Variants in PRKG1 observed in about 807,000 individuals in gnomAD.
The protein encoded by PRKG1 is cGMP-dependent protein kinase 1.
In PRKG1, 35 loss-of-function variants were observed where a neutral mutation model predicts 88.1. The observed-to-expected ratio is 0.40, with a 90% CI of 0.30 to 0.53. The LOEUF is 0.53. Ranked by LOEUF, PRKG1 falls within the 20% of genes least tolerant of loss-of-function variation. PRKG1 has a pLI of 0.59. For missense variants in PRKG1, 540 were observed against 839.8 expected (o/e 0.64, Z 4.41); for synonymous variants, 303 against 292.5 (o/e 1.04, Z -0.37).
intron 2 of PRKG1, among the ~76,000 whole-genome samples, chr10:51,322,932 A>G (rs1283734987): frequency 6.6e-6 from 1 of 152,208 alleles, no homozygotes; most frequent in Non-Finnish European, 1.5e-5. Flanking sequence ...GCATTTATTG[A>G]GCAGTTACAA....
At chr10:50,998,789 A>T (rs2132712705) in intron 1 of PRKG1, among the ~76,000 whole-genome samples, 1 of 152,344 alleles carries the variant, frequency 6.6e-6, no homozygotes. Flanking sequence ...ACAAAGCTTT[A>T]AAATATTTGC....
At chr10:51,708,959 A>C (rs541538113) in intron 3 of PRKG1, among the ~76,000 whole-genome samples, 2 of 152,152 alleles carry the variant, frequency 1.3e-5, no homozygotes, top group Non-Finnish European at 2.9e-5. Context: ...TTCCAAAAAT[A>C]CTTTGGTGAC....
chr10:51,570,844 A>G (rs1837734481), intron 3 of PRKG1, among the ~76,000 whole-genome samples: 1 of 151,976 alleles, frequency 6.6e-6, no homozygotes, highest in African/African-American at 2.4e-5. Context: ...TGTACTAGCT[A>G]TCCTACAGCC....
At chr10:52,265,092 G>C (rs1374150619) in intron 10 of PRKG1, among the ~76,000 whole-genome samples, 3 of 152,064 alleles carry the variant, frequency 2.0e-5, no homozygotes, top group Non-Finnish European at 2.9e-5. Flanking sequence ...GAATTCTCTA[G>C]CTGGAATGAG....
At chr10:52,137,283 T>C (rs745862334) in intron 8 of PRKG1, among the ~76,000 whole-genome samples, 17 of 152,106 alleles carry the variant, frequency 1.1e-4, no homozygotes, top group Non-Finnish European at 1.9e-4. Flanking sequence ...CTCAAAGGCA[T>C]TCTCTAAATA....
intron 3 of PRKG1, among the ~76,000 whole-genome samples, chr10:51,648,934 T>C (rs1839976678): frequency 6.6e-6 from 1 of 152,166 alleles, no homozygotes; most frequent in African/African-American, 2.4e-5. Context: ...CCGGGCATGG[T>C]GGCTCATGCC....
chr10:51,661,396 AC>A (rs1401749902), intron 3 of PRKG1, among the ~76,000 whole-genome samples: 3 of 152,142 alleles, frequency 2.0e-5, no homozygotes, highest in African/African-American at 7.2e-5. Context: ...AGAAAAAACA[AC>A]CCCATCAAAA....
At chr10:51,375,281 C>T (rs1842794816) in intron 2 of PRKG1, among the ~76,000 whole-genome samples, 1 of 152,054 alleles carries the variant, frequency 6.6e-6, no homozygotes, top group East Asian at 1.9e-4. Context: ...TTTATAGGGT[C>T]ATTAGGAATA....
At chr10:51,519,349 G>A (rs1224631214) in intron 3 of PRKG1, among the ~76,000 whole-genome samples, 1 of 152,082 alleles carries the variant, frequency 6.6e-6, no homozygotes, top group African/African-American at 2.4e-5. Context: ...AAAAATTTGG[G>A]ATAACTTGCT....
chr10:51,531,941 C>T (rs1249495449), intron 3 of PRKG1, among the ~76,000 whole-genome samples: 1 of 152,032 alleles, frequency 6.6e-6, no homozygotes, highest in Non-Finnish European at 1.5e-5. Context: ...CCGTGCCCTG[C>T]CAAAGAATTT....
intron 2 of PRKG1, among the ~76,000 whole-genome samples, chr10:51,223,242 A>T (rs1838599014): frequency 6.6e-6 from 1 of 152,120 alleles, no homozygotes. Context: ...ATTGTGTTTC[A>T]AGCAATCTAG....
At chr10:52,244,736 A>G (rs1321213674) in intron 9 of PRKG1, among the ~76,000 whole-genome samples, 1 of 144,524 alleles carries the variant, frequency 6.9e-6, no homozygotes, top group African/African-American at 2.5e-5. Flanking sequence ...ATATACTTTA[A>G]TATATATTTA....
intron 3 of PRKG1, among the ~76,000 whole-genome samples, chr10:51,502,157 G>C (rs1422843815): frequency 6.6e-6 from 1 of 152,148 alleles, no homozygotes. Flanking sequence ...CCAGGCCTGA[G>C]GTCATTCCAA....
rs193052095 is a variant in PRKG1, at chr10:51,676,115, A to C, written c.593-128470A>C. Among the ~76,000 whole-genome samples, 304 of 152,260 alleles carry C rather than the reference A, an allele frequency of 2.0e-3. 2 individuals are homozygous for C. Among genetic ancestry groups the C allele is most frequent in the African/African-American group, 6.6e-3 (273 of 41,560 alleles). On this transcript the variant is annotated intron_variant, in intron 3 of 17. Coordinates refer to ENST00000373980, the MANE Select transcript of PRKG1 (RefSeq NM_006258.4). ...TGAGACTTATTTCTATTAAAACAAA[A>C]AAAAAAAGAAAAGCAAAAAGACTTG... is the stretch of plus-strand genomic sequence containing the variant.
intron 5 of PRKG1, among the ~76,000 whole-genome samples, chr10:52,007,242 C>T (rs1474786460): frequency 6.6e-6 from 1 of 152,088 alleles, no homozygotes; most frequent in African/African-American, 2.4e-5. Flanking sequence ...CAACAACTAC[C>T]ATCACAATGA....
intron 2 of PRKG1, among the ~76,000 whole-genome samples, chr10:51,242,860 GCA>G (rs1272445241): frequency 6.6e-6 from 1 of 152,130 alleles, no homozygotes; most frequent in Non-Finnish European, 1.5e-5. Context: ...AAGACAGGTT[GCA>G]GGTGATCACT....
At chr10:52,044,999 T>G (rs12252648) in intron 5 of PRKG1, among the ~76,000 whole-genome samples, 37,586 of 152,114 alleles carry the variant, frequency 0.25, 4,936 homozygotes, top group South Asian at 0.32. Flanking sequence ...CAATTCTGAG[T>G]CTCAGCCAGC....
Position 52,089,804 on chromosome 10 carries a change from C to CTTTTTTTTTTTTTTTTTTTTTTTTTT in PRKG1, c.935+27197_935+27198insTTTTTTTTTTTTTTTTTTTTTTTTTT, listed in dbSNP as rs397846439. ...GGCTTAGATTATTGTTTCTTTCCTT[C>CTTTTTTTTTTTTTTTTTTTTTTTTTT]TTTTTTTTTTTTTTTTTTTTTTTTG... is the stretch of plus-strand genomic sequence containing the variant. On this transcript the variant is annotated intron_variant, in intron 7 of 17. Coordinates refer to ENST00000373980, the MANE Select transcript of PRKG1 (RefSeq NM_006258.4). Among the ~76,000 whole-genome samples the CTTTTTTTTTTTTTTTTTTTTTTTTTT allele has an allele frequency of 1.3e-4, 9 of 67,734 alleles. 1 individual carries two copies. Among genetic ancestry groups the CTTTTTTTTTTTTTTTTTTTTTTTTTT allele is most frequent in the African/African-American group, 2.7e-4 (4 of 14,866 alleles). The allele number at this position is 67,734 out of a possible 152,430, so 44.4% of individuals were successfully genotyped here.
intron 1 of PRKG1, among the ~76,000 whole-genome samples, chr10:51,012,828 A>T (rs1163744300): frequency 6.6e-6 from 1 of 152,266 alleles, no homozygotes; most frequent in Admixed American, 6.5e-5. Context: ...GAGAGGGAAG[A>T]GTCTATTTAA....
Sources: allele counts gnomAD v4.1 joint callset (sites outside exome capture counted in the v4.1 genomes callset), GRCh38; gene constraint gnomAD v4.1.1; transcripts MANE v1.5; gene names NCBI Gene and HGNC (gene_info 2026-07-23, HGNC 2026-07-21).